TTC28: variants seen among roughly 807,000 people sequenced by gnomAD.
TTC28 encodes the protein tetratricopeptide repeat domain 28.
In TTC28, 61 loss-of-function variants were observed where a neutral mutation model predicts 198.0. The ratio of observed to expected loss-of-function variants is 0.31; its 90% CI spans 0.25 to 0.38. The LOEUF (loss-of-function observed/expected upper bound fraction) is 0.38, where lower values mean the gene tolerates loss of function less well. TTC28 is among the 10% of genes least tolerant of loss of function. TTC28 has a pLI of 1.00. For missense variants in TTC28, 2,678 were observed against 3,164.0 expected (o/e 0.85, Z 3.69); for synonymous variants, 1,171 against 1,297.8 (o/e 0.90, Z 2.10).
chr22:28,274,544 T>C (rs1268954668), intron 5 of TTC28, among the ~76,000 whole-genome samples: 2 of 152,220 alleles, frequency 1.3e-5, no homozygotes, highest in African/African-American at 2.4e-5. Flanking sequence ...GGCTGAGAAC[T>C]TGGTCCTATT....
chr22:28,387,241 C>A (rs573850839), intron 2 of TTC28, among the ~76,000 whole-genome samples: 3 of 152,186 alleles, frequency 2.0e-5, no homozygotes, highest in African/African-American at 7.2e-5. Flanking sequence ...TCCAGTCTAT[C>A]ATCGTTGGAC....
intron 5 of TTC28, among the ~76,000 whole-genome samples, chr22:28,215,797 T>C (rs1927346612): frequency 6.6e-6 from 1 of 152,156 alleles, no homozygotes; most frequent in Admixed American, 6.6e-5. Flanking sequence ...GAAATAAGCA[T>C]GGGAAAATAT....
chr22:28,156,185 G>A (rs1178963960), intron 6 of TTC28, among the ~76,000 whole-genome samples: 3 of 152,146 alleles, frequency 2.0e-5, no homozygotes. Flanking sequence ...TGGCAAAAGG[G>A]ACTTTGCAAA....
At chr22:28,339,963 C>T (rs1353592846) in intron 2 of TTC28, among the ~76,000 whole-genome samples, 1 of 152,190 alleles carries the variant, frequency 6.6e-6, no homozygotes, top group Non-Finnish European at 1.5e-5. Context: ...ATGCAGAAAT[C>T]ACCCGTCTTC....
intron 5 of TTC28, among the ~76,000 whole-genome samples, chr22:28,269,340 T>C (rs998458803): frequency 5.9e-5 from 9 of 152,182 alleles, no homozygotes; most frequent in Non-Finnish European, 1.3e-4. Context: ...AACATTGCTT[T>C]ACTCTCTTTA....
chr22:28,393,891 A>G (rs2046773643), intron 2 of TTC28, among the ~76,000 whole-genome samples: 1 of 152,124 alleles, frequency 6.6e-6, no homozygotes, highest in Non-Finnish European at 1.5e-5. Flanking sequence ...CCACTGGCTC[A>G]GAGCTCCACT....
chr22:28,136,324 T>C (rs1210609067), intron 6 of TTC28, among the ~76,000 whole-genome samples: 1 of 152,084 alleles, frequency 6.6e-6, no homozygotes, highest in Non-Finnish European at 1.5e-5. Flanking sequence ...TTTAAAATTT[T>C]TCTGTAGAGA....
chr22:28,478,091 G>A (rs2048189368), intron 2 of TTC28, among the ~76,000 whole-genome samples: 1 of 152,176 alleles, frequency 6.6e-6, no homozygotes. Flanking sequence ...CTGTGTAATT[G>A]CGACAACAGA....
At chr22:28,027,121 T>C (rs1443559162) in intron 13 of TTC28, among the ~76,000 whole-genome samples, 1 of 151,938 alleles carries the variant, frequency 6.6e-6, no homozygotes, top group Non-Finnish European at 1.5e-5. Flanking sequence ...CACACACAAA[T>C]ACAACCCTGC....
chr22:28,174,363 A>G (rs1027614386), intron 5 of TTC28, among the ~76,000 whole-genome samples: 60 of 152,332 alleles, frequency 3.9e-4, no homozygotes, highest in Admixed American at 1.8e-3. Context: ...GATAATACGC[A>G]CTTAGCTTTT....
At chr22:28,625,678 T>C (rs761821132) in intron 2 of TTC28, among the ~76,000 whole-genome samples, 45 of 152,140 alleles carry the variant, frequency 3.0e-4, no homozygotes, top group Non-Finnish European at 5.7e-4. Context: ...TTTGAAGAAA[T>C]TGATAAGCTG....
chr22:28,624,056 A>G lies in TTC28; in HGVS notation c.381+5496T>C, dbSNP rs375498811. Among the ~76,000 whole-genome samples, 39 of 152,344 alleles carry G rather than the reference A, an allele frequency of 2.6e-4. 1 individual carries two copies. In the East Asian group the frequency reaches 3.7e-3, roughly 14 times the overall value. Reference sequence around the variant, plus strand: ...AATAAACAGCAGACATCAGTGAAAGATAAAATGCACTACAATATAGAAAAT... The same window carrying G: ...AATAAACAGCAGACATCAGTGAAAGGTAAAATGCACTACAATATAGAAAAT... On this transcript the variant is annotated intron_variant, in intron 2 of 22. Transcript: ENST00000397906.
chr22:28,179,352 A>G (rs1483861696), intron 5 of TTC28, among the ~76,000 whole-genome samples: 18 of 151,766 alleles, frequency 1.2e-4, no homozygotes. Flanking sequence ...TTTAATAGAG[A>G]CAGGGTTTCA....
intron 5 of TTC28, among the ~76,000 whole-genome samples, chr22:28,284,073 A>G (rs1342420714): frequency 1.3e-5 from 2 of 152,172 alleles, no homozygotes; most frequent in Non-Finnish European, 1.5e-5. Context: ...ACCAACAGGC[A>G]TTTATCATGA....
intron 5 of TTC28, among the ~76,000 whole-genome samples, chr22:28,253,642 A>C (rs1930681910): frequency 6.6e-6 from 1 of 152,190 alleles, no homozygotes. Context: ...AACAGGTAGA[A>C]GATTACTCCA....
At chr22:28,582,630 C>T (rs1253170242) in intron 2 of TTC28, among the ~76,000 whole-genome samples, 7 of 151,942 alleles carry the variant, frequency 4.6e-5, no homozygotes, top group Non-Finnish European at 1.0e-4. Flanking sequence ...ATCCATTAAA[C>T]AGTTTTATGT....
chr22:28,184,531 A>G (rs1924008279), intron 5 of TTC28, among the ~76,000 whole-genome samples: 2 of 152,136 alleles, frequency 1.3e-5, no homozygotes, highest in Non-Finnish European at 2.9e-5. Context: ...TTCACTGAAG[A>G]AAAATTAAAT....
At chr22:27,988,051 C>A (rs1281546044) in intron 21 of TTC28, among the ~76,000 whole-genome samples, 2 of 151,716 alleles carry the variant, frequency 1.3e-5, no homozygotes, top group African/African-American at 4.8e-5. Flanking sequence ...CCAATCTCTA[C>A]AAAAAAAGTT....
intron 2 of TTC28, among the ~76,000 whole-genome samples, chr22:28,596,322 T>C (rs1569048519): frequency 6.6e-6 from 1 of 152,126 alleles, no homozygotes; most frequent in African/African-American, 2.4e-5. Flanking sequence ...TGGTAAAAGA[T>C]GATTATCACA....
Sources: allele counts gnomAD v4.1 joint callset (sites outside exome capture counted in the v4.1 genomes callset), GRCh38; gene constraint gnomAD v4.1.1; transcripts MANE v1.5; gene names NCBI Gene and HGNC (gene_info 2026-07-23, HGNC 2026-07-21).